TPRA1: variants seen among roughly 807,000 people sequenced by gnomAD.
TPRA1 encodes transmembrane protein adipocyte associated 1.
TPRA1 carries 28 observed loss-of-function variants against 40.1 expected under a neutral mutation model. That is an observed-to-expected ratio of 0.70 (90% confidence interval 0.52 to 0.96). The LOEUF is 0.96. Ranked by LOEUF, TPRA1 falls within the 40% of genes least tolerant of loss-of-function variation. TPRA1 has a pLI of 0.00. For missense variants in TPRA1, 441 were observed against 482.6 expected, an observed-to-expected ratio of 0.91 and a Z score of 0.81; for synonymous variants, 219 against 209.7, an observed-to-expected ratio of 1.04 and a Z score of -0.38.
Position 127,571,509 on chromosome 3 carries a change from G to T in TPRA1, c.*2012C>A, listed in dbSNP as rs995992772. The T allele has an allele frequency of 6.6e-6, 1 of 152,198 alleles. No individual in the cohort carries two copies. The highest frequency in any genetic ancestry group is 2.4e-5 in the African/African-American group (1 of 41,454). 9.4% of individuals were successfully genotyped at this position (152,198 alleles called of 1,614,324 possible). On this transcript the variant is annotated 3_prime_UTR_variant, in exon 11 of 11. Coordinates refer to ENST00000355552, the MANE Select transcript of TPRA1 (RefSeq NM_001136053.4). ...TGCAAAATTTTTCAGAAACAAAAGG[G>T]AAGTGGTTTATAAATTGCCATATAT...
intron 10 of TPRA1, 45 bp from the exon 11 acceptor site, chr3:127,573,833 C>T (rs758273217): frequency 6.6e-7 from 1 of 1,518,128 alleles, no homozygotes; most frequent in Non-Finnish European, 8.8e-7. Flanking sequence ...CTGAGTGATT[C>T]AGGAAGAGCC....
intron 1 of TPRA1, among the ~76,000 whole-genome samples, chr3:127,584,581 C>T (rs2073944810): frequency 6.6e-6 from 1 of 151,052 alleles, no homozygotes; most frequent in South Asian, 2.1e-4. Context: ...CCAACATCTA[C>T]CCTTCCCTTT....
chr3:127,590,755 T>G (rs375192455), upstream of TPRA1: 1 of 150,392 alleles, frequency 6.6e-6, no homozygotes, highest in Non-Finnish European at 1.5e-5. Context: ...AGTCCCAGAG[T>G]CCCTGTTATC....
chr3:127,583,757 G>GCCTC (rs1477366523), intron 1 of TPRA1, among the ~76,000 whole-genome samples: 17 of 151,136 alleles, frequency 1.1e-4, no homozygotes, highest in Middle Eastern at 3.4e-3. Flanking sequence ...TTCAACCTCT[G>GCCTC]CCTCCCAGGT....
intron 3 of TPRA1, among the ~76,000 whole-genome samples, chr3:127,578,161 C>CA (rs1202875492): frequency 4.6e-5 from 7 of 152,242 alleles, no homozygotes; most frequent in Non-Finnish European, 5.9e-5. Flanking sequence ...TGCCCAGATC[C>CA]ATATATACTC....
At chr3:127,586,223 A>G (rs2073996000) in intron 1 of TPRA1, among the ~76,000 whole-genome samples, 1 of 152,196 alleles carries the variant, frequency 6.6e-6, no homozygotes, top group South Asian at 2.1e-4. Context: ...GCGGGTGTGC[A>G]GCGCGCCTCC....
exon 1 of TPRA1, chr3:127,598,121 G>C (rs182321666): frequency 2.5e-6 from 1 of 406,786 alleles, no homozygotes; most frequent in Non-Finnish European, 4.6e-6. Flanking sequence ...TGTCTTGTCA[G>C]CAAAATGGCC....
chr3:127,583,242 G>A (rs1442601011), intron 1 of TPRA1, among the ~76,000 whole-genome samples: 2 of 152,020 alleles, frequency 1.3e-5, no homozygotes, highest in South Asian at 2.1e-4. Flanking sequence ...GAACCCAGGA[G>A]GCAGAGGTTG....
In TPRA1 at chr3:127,597,195, C is replaced by A. The variant is rs147033282; in HGVS notation, c.-391+812G>T. ...CACTCCTGCCTCCCTACCCTGGGTC[C>A]CAGGCAGAGATGCTTGTTCACTGCA... On this transcript the variant is annotated intron_variant, in intron 1 of 3. Transcript: ENST00000462228. 2.1e-3 allele frequency among the ~76,000 whole-genome samples: 317 copies of A among 152,268 alleles called. 1 individual carries two copies. The highest frequency in any genetic ancestry group is 6.9e-3 in the African/African-American group (285 of 41,552).
rs376070729 is a variant in TPRA1, at chr3:127,582,383, T to C, written c.-17-2220A>G. 3.3e-5 allele frequency among the ~76,000 whole-genome samples: 5 copies of C among 150,798 alleles called. No individual in the cohort carries two copies. In the East Asian group the frequency reaches 5.9e-4, roughly 18 times the overall value. The stretch of plus-strand genomic sequence containing the variant: ...GAGTTCCAGACCAGCCTGGGCAACA[T>C]AGCAAGACCTCATCTCTACAAAAAA... On this transcript the variant is annotated intron_variant, in intron 1 of 10. Transcript: ENST00000355552.
rs1291520792 is a variant in TPRA1, at chr3:127,575,441, C to T, written c.735G>A (p.Gly245=). Residue 245 remains glycine (G), a synonymous_variant, in exon 9 of 11, where the codon GGG becomes GGA. Transcript: ENST00000355552. Reference sequence around the variant, plus strand: ...TGATGTCGAAGCACAGCAGCACACTCCCCAGCCCCTGCAGTAGGTTGAGCA... The same window carrying T: ...TGATGTCGAAGCACAGCAGCACACTTCCCAGCCCCTGCAGTAGGTTGAGCA... The part of the protein sequence containing the change: ...LALLNLLQGL[G]SVLLCFDIIE... The T allele has an allele frequency of 6.2e-7, 1 of 1,602,540 alleles. No individual in the cohort carries two copies.
chr3:127,573,567 C>A lies in TPRA1; in HGVS notation c.1076G>T (p.Ser359Ile). The A allele has an allele frequency of 3.1e-6, 5 of 1,613,266 alleles. No homozygotes were observed. The highest frequency in any genetic ancestry group is 4.2e-6 in the Non-Finnish European group (5 of 1,179,996). ...GCGCTCGCTGTCTGTGCTGTTGATG[C>A]TGCCAGTGTGGCAGGGCATGGAAGC... ...DIASMPCHTG[S>I]INSTDSERWK... Residue 359 changes from serine (S) to isoleucine (I), a missense_variant, in exon 11 of 11, where the codon AGC becomes ATC. Ser to Ile is a moderately radical substitution (Grantham distance 142). Coordinates refer to ENST00000355552, the MANE Select transcript of TPRA1 (RefSeq NM_001136053.4).
At position 127,574,884 on chromosome 3, in the gene TPRA1, T is replaced by C. The variant is rs573405217; in HGVS notation, c.854+301A>G. ...TGCATGTGGGTGTGCACGTGCATGT[T>C]TGTGTGCATATGCCCGTGTGTATCC... is the stretch of plus-strand genomic sequence containing the variant. On this transcript the variant is annotated intron_variant, in intron 10 of 10. Coordinates refer to ENST00000355552, the MANE Select transcript of TPRA1 (RefSeq NM_001136053.4). The C allele has an allele frequency of 3.1e-3, 1,399 of 453,882 alleles. 11 individuals carry two copies. Among genetic ancestry groups the C allele is most frequent in the Non-Finnish European group, 3.9e-3 (949 of 246,062 alleles). 28.1% of individuals were successfully genotyped at this position (453,882 alleles called of 1,614,324 possible).
rs1435627632 is a variant in TPRA1 at position 127,576,811 on chromosome 3, G to A, written c.418+10C>T. 1.9e-6 allele frequency: 3 copies of A among 1,613,814 alleles called. No individual in the cohort carries two copies. Among genetic ancestry groups the A allele is most frequent in the Non-Finnish European group, 2.5e-6 (3 of 1,180,006 alleles). ...ATCGCCAGGGCCCAAGAGCCCAGCG[G>A]TACACACACCAAAGGCCAGGCCCAG... On this transcript the variant is annotated intron_variant, in intron 5 of 10. Coordinates refer to ENST00000355552, the MANE Select transcript of TPRA1 (RefSeq NM_001136053.4). The surrounding 1 kb of genome is among the most constrained non-coding windows in gnomAD (Gnocchi z 4.6).
At chr3:127,590,308 C>G (rs1164298053) in intron 1 of TPRA1, 102 bp downstream of exon 1, 3 of 152,256 alleles carry the variant, frequency 2.0e-5, no homozygotes, top group Non-Finnish European at 4.4e-5. Context: ...ATGGGCCGCT[C>G]GCGGAGCAAG....
At chr3:127,596,766 G>A (rs1559857823) in intron 1 of TPRA1, among the ~76,000 whole-genome samples, 1 of 152,138 alleles carries the variant, frequency 6.6e-6, no homozygotes, top group Non-Finnish European at 1.5e-5. Flanking sequence ...GCTAAGCCAG[G>A]ATCCTGGTGT....
At chr3:127,587,669 GCTTTT>G (rs2074039462) in intron 1 of TPRA1, among the ~76,000 whole-genome samples, 1 of 150,224 alleles carries the variant, frequency 6.7e-6, no homozygotes, top group South Asian at 2.1e-4. Flanking sequence ...GGTGGTTGCT[GCTTTT>G]CTTTTTTTTT....
At chr3:127,596,747 A>T (rs1344016410) in intron 1 of TPRA1, among the ~76,000 whole-genome samples, 1 of 152,116 alleles carries the variant, frequency 6.6e-6, no homozygotes, top group Non-Finnish European at 1.5e-5. Context: ...CTCAGCTATC[A>T]TCCACCTAGC....
intron 3 of TPRA1, among the ~76,000 whole-genome samples, chr3:127,577,595 G>A (rs966107562): frequency 3.9e-5 from 6 of 152,058 alleles, no homozygotes; most frequent in Non-Finnish European, 8.8e-5. Flanking sequence ...AGGCATGCGG[G>A]ACCAGGCAAA....
Sources: allele counts gnomAD v4.1 joint callset (sites outside exome capture counted in the v4.1 genomes callset), GRCh38; gene constraint gnomAD v4.1.1; non-coding constraint Gnocchi (gnomAD v3.1); transcripts MANE v1.5; gene names NCBI Gene and HGNC (gene_info 2026-07-23, HGNC 2026-07-21).